The following SRGAP1 variants were observed in gnomAD, a reference collection of about 807,000 sequenced individuals.
SRGAP1 encodes SLIT-ROBO Rho GTPase activating protein 1, also known as SLIT-ROBO Rho GTPase-activating protein 1.
In SRGAP1, 43 loss-of-function variants were observed where a neutral mutation model predicts 121.9. That is an observed-to-expected ratio of 0.35 (90% CI 0.28 to 0.46). The LOEUF is 0.46. SRGAP1 is among the 20% of genes least tolerant of loss of function. The pLI is 1.00. For missense variants in SRGAP1, 1,102 were observed against 1,350.9 expected (o/e 0.82, Z 2.89); for synonymous variants, 447 against 485.4 (o/e 0.92, Z 1.04).
At chr12:63,866,133 T>C (rs549462924) in intron 1 of SRGAP1, among the ~76,000 whole-genome samples, 3 of 152,352 alleles carry the variant, frequency 2.0e-5, no homozygotes, top group East Asian at 3.9e-4. Context: ...CTTCAAATGC[T>C]GAATGACCAT....
At chr12:64,044,797 C>T (rs891724664) in intron 6 of SRGAP1, among the ~76,000 whole-genome samples, 2 of 149,736 alleles carry the variant, frequency 1.3e-5, no homozygotes, top group Non-Finnish European at 3.0e-5. Context: ...TCTTTTGCCT[C>T]AGCTTCCCGA....
intron 1 of SRGAP1, among the ~76,000 whole-genome samples, chr12:63,966,234 T>TATA (rs987978044): frequency 8.5e-5 from 13 of 152,128 alleles, no homozygotes; most frequent in Admixed American, 2.6e-4. Flanking sequence ...GACCAATAGA[T>TATA]ATAATAATAA....
intron 4 of SRGAP1, among the ~76,000 whole-genome samples, chr12:64,041,588 C>T (rs985732205): frequency 1.3e-5 from 2 of 151,606 alleles, no homozygotes; most frequent in Non-Finnish European, 1.5e-5. Context: ...CGCTGTGTTG[C>T]TCAGGCGGGT....
At position 64,127,705 on chromosome 12, in the gene SRGAP1, C is replaced by T. The variant is rs2036716831; in HGVS notation, c.2521C>T (p.Pro841Ser). The change falls in exon 20 of 22, where the codon CCT (proline) becomes TCT (serine). Residue 841 changes from proline (P) to serine (S), a missense_variant. This residue lies in a region of SRGAP1 where 315 missense variants were observed against 343.1 expected (regional missense o/e 0.92). Transcript: ENST00000355086. ...CATGAACTCCCCGACAGACCGTCAT[C>T]CTGACGGCTATTTAGCCAGGTAAGT... ...KDMNSPTDRHPDGYLARQRKR... is the reference protein window; with the variant it reads ...KDMNSPTDRHSDGYLARQRKR... The T allele has an allele frequency of 6.2e-7, 1 of 1,614,020 alleles. No individual in the cohort carries two copies. The highest frequency in any genetic ancestry group is 1.1e-5 in the South Asian group (1 of 91,074).
At chr12:63,902,067 T>G (rs992436265) in intron 1 of SRGAP1, among the ~76,000 whole-genome samples, 2 of 152,150 alleles carry the variant, frequency 1.3e-5, no homozygotes, top group Admixed American at 1.3e-4. Context: ...GTAATCCCAG[T>G]ACTTTGGGAG....
intron 1 of SRGAP1, among the ~76,000 whole-genome samples, chr12:63,928,874 C>T (rs1352275730): frequency 1.3e-5 from 2 of 152,146 alleles, no homozygotes; most frequent in African/African-American, 4.8e-5. Flanking sequence ...GTGCAGTTCA[C>T]AATAGGGTCT....
intron 4 of SRGAP1, among the ~76,000 whole-genome samples, chr12:64,025,543 C>T (rs2034635291): frequency 6.6e-6 from 1 of 152,158 alleles, no homozygotes; most frequent in South Asian, 2.1e-4. Context: ...CTACAGAGGC[C>T]TGGGTCTCAA....
chr12:64,094,964 A>C lies in SRGAP1; in HGVS notation c.1572A>C (p.Glu524Asp). ...DSGQVIPLIVESCIRFINLYG... is the reference protein window; with the variant it reads ...DSGQVIPLIVDSCIRFINLYG... ...GACAGGTTATTCCCCTCATTGTGGA[A>C]AGCTGTATTCGGTTCATCAATCTCT... The change falls in exon 13 of 22, where the codon GAA becomes GAC. Residue 524 changes from glutamate to aspartate, a missense_variant. Physicochemically the swap from Glu to Asp is conservative, Grantham distance 45. Transcript: ENST00000355086. The C allele has an allele frequency of 6.2e-7, 1 of 1,614,118 alleles. No individual in the cohort carries two copies.
At chr12:64,040,345 A>G (rs1452660943) in intron 4 of SRGAP1, among the ~76,000 whole-genome samples, 1 of 152,202 alleles carries the variant, frequency 6.6e-6, no homozygotes, top group Non-Finnish European at 1.5e-5. Flanking sequence ...CTTAGACCTT[A>G]GTTATAAAAT....
At chr12:64,025,406 CAA>C (rs2034632540) in intron 4 of SRGAP1, among the ~76,000 whole-genome samples, 1 of 152,054 alleles carries the variant, frequency 6.6e-6, no homozygotes, top group East Asian at 1.9e-4. Context: ...CTCTGAGCCT[CAA>C]AGAGGTTTTT....
intron 6 of SRGAP1, among the ~76,000 whole-genome samples, chr12:64,057,797 A>G (rs1467097601): frequency 6.6e-6 from 1 of 152,190 alleles, no homozygotes; most frequent in Non-Finnish European, 1.5e-5. Flanking sequence ...TGAAGGTAGA[A>G]TAATTCTGCC....
At position 64,126,210 on chromosome 12, in the gene SRGAP1, C is replaced by T. The variant is rs78208299; in HGVS notation, c.2405+53C>T. 2.6e-5 allele frequency: 41 copies of T among 1,568,380 alleles called. No homozygotes were observed. In the East Asian group the frequency reaches 9.0e-4, roughly 35 times the overall value. On this transcript the variant is annotated intron_variant, in intron 19 of 21. Coordinates refer to ENST00000355086, the MANE Select transcript of SRGAP1 (RefSeq NM_020762.4). ...AGTGCTCCCAATAGAGGACTCCAGC[C>T]ATTGTTCTTAAACTGACCTTGGTCT...
chr12:63,865,050 T>C (rs1899577159), intron 1 of SRGAP1, among the ~76,000 whole-genome samples: 1 of 152,194 alleles, frequency 6.6e-6, no homozygotes, highest in South Asian at 2.1e-4. Context: ...GCAATTACTT[T>C]TGCACCATGA....
chr12:63,900,208 T>TTTTTCTTTTC (rs1246114253), intron 1 of SRGAP1, among the ~76,000 whole-genome samples: 4 of 138,030 alleles, frequency 2.9e-5, no homozygotes, highest in Admixed American at 7.2e-5. Flanking sequence ...CTTTTTCTTT[T>TTTTTCTTTTC]TTTTTTTTTT....
intron 4 of SRGAP1, among the ~76,000 whole-genome samples, chr12:64,026,179 C>A (rs2034649419): frequency 6.6e-6 from 1 of 151,902 alleles, no homozygotes; most frequent in Non-Finnish European, 1.5e-5. Context: ...AAAAAAAATT[C>A]TAAAGAATGT....
chr12:63,921,977 C>T lies in SRGAP1; in HGVS notation c.68-61970C>T, dbSNP rs1361671504. ...TGAAGGAAATCAAGATAGGTGATTT[C>T]TTTCTTTTTTTTTTTTTTGAGACTG... On this transcript the variant is annotated intron_variant, in intron 1 of 21. Transcript: ENST00000355086. Among the ~76,000 whole-genome samples, 5 of 150,650 alleles carry T rather than the reference C, an allele frequency of 3.3e-5. No individual in the cohort carries two copies. In the East Asian group the frequency reaches 7.8e-4, roughly 23 times the overall value.
intron 14 of SRGAP1, among the ~76,000 whole-genome samples, chr12:64,096,709 G>A (rs561393989): frequency 2.3e-4 from 35 of 152,254 alleles, no homozygotes; most frequent in African/African-American, 8.4e-4. Context: ...CTCTGCTCAA[G>A]ACAGCCTTCA....
At chr12:63,929,663 A>G (rs2031397146) in intron 1 of SRGAP1, among the ~76,000 whole-genome samples, 1 of 151,900 alleles carries the variant, frequency 6.6e-6, no homozygotes, top group Non-Finnish European at 1.5e-5. Context: ...TAATTCTGAC[A>G]CTGTGTAACA....
At chr12:63,960,841 CA>C (rs2032616780) in intron 1 of SRGAP1, among the ~76,000 whole-genome samples, 1 of 152,152 alleles carries the variant, frequency 6.6e-6, no homozygotes, top group Admixed American at 6.5e-5. Context: ...GGGATGTCAG[CA>C]GGCTCTAGAA....
Sources: gnomAD v4.1 joint callset for allele counts (sites outside exome capture counted in the v4.1 genomes callset) on GRCh38, gnomAD v4.1.1 for gene constraint, gnomAD v4.1.1 regional missense constraint, MANE v1.5 for transcripts, NCBI Gene and HGNC (gene_info 2026-07-23, HGNC 2026-07-21) for gene names.